RNF115: variants seen among roughly 807,000 people sequenced by gnomAD.
RNF115 encodes ring finger protein 115.
In RNF115, 31 loss-of-function variants were observed where a neutral mutation model predicts 39.2. The observed-to-expected ratio is 0.79, with a 90% confidence interval of 0.59 to 1.07. The LOEUF is 1.07. Among genes scored for constraint, RNF115 ranks in the 50% least tolerant of loss-of-function variants. The probability of loss-of-function intolerance (pLI) is 0.00; values close to 1 mark genes in which losing one functional copy is unlikely to be tolerated. For synonymous variants in RNF115, 124 were observed against 131.0 expected (o/e 0.95, Z 0.37); for missense variants, 384 against 381.7 (o/e 1.01, Z -0.05).
At chr1:145,766,057 G>A (rs1355567353) in intron 4 of RNF115, among the ~76,000 whole-genome samples, 3 of 151,358 alleles carry the variant, frequency 2.0e-5, no homozygotes, top group Admixed American at 1.3e-4. Context: ...GGGAGATTTG[G>A]CAGGGTCATA....
intron 3 of RNF115, among the ~76,000 whole-genome samples, chr1:145,780,133 TGAGA>T (rs1571744894): frequency 6.6e-6 from 1 of 151,192 alleles, no homozygotes; most frequent in East Asian, 2.0e-4. Context: ...GAGGCTGAGG[TGAGA>T]GAATCACTAG....
Position 145,771,814 on chromosome 1 carries a change from T to A in RNF115, c.325A>T (p.Thr109Ser), listed in dbSNP as rs1553715813. Reference sequence around the variant, plus strand: ...CTTGCTCCCCAGAAGTCAGTGTGAGTCTGGTGACCCCTTTCATTGGCTCTA... The same window carrying A: ...CTTGCTCCCCAGAAGTCAGTGTGAGACTGGTGACCCCTTTCATTGGCTCTA... ...DNRANERGHQ[T>S]HTDFWGARPP... Residue 109 changes from threonine (T) to serine (S), a missense_variant, in exon 4 of 9, where the codon ACT (threonine) becomes TCT (serine). Physicochemically the swap from Thr to Ser is moderately conservative, Grantham distance 58 (BLOSUM62 1). Coordinates refer to ENST00000582693, the MANE Select transcript of RNF115 (RefSeq NM_014455.4). 6.2e-7 allele frequency: 1 copy of A among 1,614,044 alleles called. No homozygotes were observed. Among genetic ancestry groups the A allele is most frequent in the Non-Finnish European group, 8.5e-7 (1 of 1,179,950 alleles).
chr1:145,802,829 T>A (rs1649307056), intron 1 of RNF115, among the ~76,000 whole-genome samples: 1 of 152,180 alleles, frequency 6.6e-6, no homozygotes, highest in Non-Finnish European at 1.5e-5. Flanking sequence ...TTGCCACACA[T>A]CACAGCTCCT....
intron 2 of RNF115, among the ~76,000 whole-genome samples, chr1:145,785,798 C>T (rs1382799696): frequency 6.6e-6 from 1 of 152,176 alleles, no homozygotes; most frequent in African/African-American, 2.4e-5. Context: ...CATTCTCAAG[C>T]CTTATTCCCT....
chr1:145,765,105 G>C (rs959586261), intron 4 of RNF115, among the ~76,000 whole-genome samples: 10 of 152,198 alleles, frequency 6.6e-5, no homozygotes, highest in Admixed American at 5.9e-4. Context: ...GGATGCTGTT[G>C]ATCTATGACC....
chr1:145,800,326 CA>C, intron 1 of RNF115, among the ~76,000 whole-genome samples: 1 of 152,088 alleles, frequency 6.6e-6, no homozygotes, highest in Non-Finnish European at 1.5e-5. Context: ...TGCTATTTTA[CA>C]AACAAGAAAA....
chr1:145,775,443 TG>T (rs1229642263), intron 3 of RNF115, among the ~76,000 whole-genome samples: 6 of 150,540 alleles, frequency 4.0e-5, no homozygotes, highest in African/African-American at 1.5e-4. Context: ...TCGCTCAGGC[TG>T]GAGTGCAACG....
At chr1:145,776,701 T>C (rs1226553062) in intron 3 of RNF115, among the ~76,000 whole-genome samples, 1 of 151,912 alleles carries the variant, frequency 6.6e-6, no homozygotes, top group Non-Finnish European at 1.5e-5. Flanking sequence ...CTGGGCGTGG[T>C]GGAGCATGCC....
chr1:145,794,683 T>C (rs188338916), intron 1 of RNF115, among the ~76,000 whole-genome samples: 1 of 151,700 alleles, frequency 6.6e-6, no homozygotes, highest in East Asian at 1.9e-4. Context: ...ACTTCAAAAA[T>C]GAAGCGCGGA....
At chr1:145,784,898 A>G (rs1648309613) in intron 2 of RNF115, among the ~76,000 whole-genome samples, 1 of 152,198 alleles carries the variant, frequency 6.6e-6, no homozygotes, top group Non-Finnish European at 1.5e-5. Context: ...CTATCAAAAG[A>G]CAAATATTTA....
intron 2 of RNF115, among the ~76,000 whole-genome samples, chr1:145,786,428 G>A (rs12132715): frequency 1.3e-5 from 2 of 152,150 alleles, no homozygotes; most frequent in Non-Finnish European, 2.9e-5. Context: ...AAAAGATTTC[G>A]TCTTTCATTT....
intron 4 of RNF115, among the ~76,000 whole-genome samples, chr1:145,770,480 C>A (rs1647585196): frequency 6.6e-6 from 1 of 152,080 alleles, no homozygotes; most frequent in Non-Finnish European, 1.5e-5. Context: ...AATGAGCACT[C>A]AAAATATAGC....
intron 3 of RNF115, among the ~76,000 whole-genome samples, chr1:145,779,468 G>C (rs139330848): frequency 1.4e-3 from 216 of 152,136 alleles, no homozygotes; most frequent in African/African-American, 5.0e-3. Context: ...GAGCCACCAC[G>C]TCCAGCTATA....
At chr1:145,781,778 G>A (rs1553717430) in intron 3 of RNF115, among the ~76,000 whole-genome samples, 1 of 152,052 alleles carries the variant, frequency 6.6e-6, no homozygotes, top group African/African-American at 2.4e-5. Context: ...GGTTCCAGAG[G>A]CTGTGTTCTT....
intron 4 of RNF115, among the ~76,000 whole-genome samples, chr1:145,765,534 A>G (rs1411313762): frequency 1.3e-5 from 2 of 152,222 alleles, no homozygotes; most frequent in African/African-American, 2.4e-5. Flanking sequence ...TGCTGATTCT[A>G]TATGTACTAA....
At chr1:145,779,504 TA>T (rs2101548452) in intron 3 of RNF115, among the ~76,000 whole-genome samples, 1 of 152,150 alleles carries the variant, frequency 6.6e-6, no homozygotes, top group East Asian at 1.9e-4. Flanking sequence ...GAGAGACAAG[TA>T]AAAGGTTTAT....
intron 1 of RNF115, among the ~76,000 whole-genome samples, chr1:145,798,008 T>A (rs587717617): frequency 1.3e-5 from 2 of 152,262 alleles, no homozygotes; most frequent in South Asian, 4.1e-4. Flanking sequence ...TGATTTTTTG[T>A]TGTTGAGTTG....
At chr1:145,764,126 G>A in intron 4 of RNF115, among the ~76,000 whole-genome samples, 1 of 152,186 alleles carries the variant, frequency 6.6e-6, no homozygotes, top group Admixed American at 6.5e-5. Context: ...GTGTTGGCCG[G>A]GCTGGTCTCC....
chr1:145,792,514 C>T (rs1195894647), intron 1 of RNF115, among the ~76,000 whole-genome samples: 3 of 152,118 alleles, frequency 2.0e-5, no homozygotes, highest in East Asian at 1.9e-4. Flanking sequence ...AAAAAAAAAT[C>T]CCTCATGTCA....
Sources: allele counts gnomAD v4.1 joint callset (sites outside exome capture counted in the v4.1 genomes callset), GRCh38; gene constraint gnomAD v4.1.1; transcripts MANE v1.5; gene names NCBI Gene and HGNC (gene_info 2026-07-23, HGNC 2026-07-21).